The following LRRTM4 variants were observed in gnomAD, a reference collection of about 807,000 sequenced individuals.
LRRTM4 encodes the protein leucine-rich repeat transmembrane neuronal protein 4.
A neutral mutation model predicts 47.6 loss-of-function variants in LRRTM4; 25 were observed. That is an observed-to-expected ratio of 0.53 (90% CI 0.38 to 0.73). The LOEUF (loss-of-function observed/expected upper bound fraction) is 0.73. Ranked by LOEUF, LRRTM4 falls within the 30% of genes least tolerant of loss-of-function variation. The pLI is 0.00. For synonymous variants in LRRTM4, 311 were observed against 269.5 expected (o/e 1.15, Z -1.51); for missense variants, 638 against 713.4 (o/e 0.89, Z 1.20).
At chr2:76,952,095 G>A (rs62170340) in intron 3 of LRRTM4, among the ~76,000 whole-genome samples, 20,001 of 152,042 alleles carry the variant, frequency 0.13, 1,676 homozygotes, top group Admixed American at 0.21. Flanking sequence ...ACATAGGTGT[G>A]CATGTGTCTT....
At chr2:77,047,171 A>C (rs547314189) in intron 3 of LRRTM4, among the ~76,000 whole-genome samples, 1 of 152,176 alleles carries the variant, frequency 6.6e-6, no homozygotes, top group South Asian at 2.1e-4. Context: ...GGTTTCAAAC[A>C]TAACATTGAT....
chr2:76,756,724 T>C (rs1290007720), intron 3 of LRRTM4, among the ~76,000 whole-genome samples: 1 of 152,012 alleles, frequency 6.6e-6, no homozygotes, highest in Admixed American at 6.6e-5. Context: ...GCTCCTAATA[T>C]TTGATATACA....
intron 3 of LRRTM4, among the ~76,000 whole-genome samples, chr2:76,871,788 A>G (rs1672631410): frequency 6.6e-6 from 1 of 152,146 alleles, no homozygotes; most frequent in Non-Finnish European, 1.5e-5. Flanking sequence ...ACTGGCTTTT[A>G]TGAAGCCAAC....
intron 3 of LRRTM4, among the ~76,000 whole-genome samples, chr2:77,318,012 T>C (rs1342864777): frequency 1.4e-5 from 2 of 145,384 alleles, no homozygotes; most frequent in Non-Finnish European, 3.0e-5. Flanking sequence ...TTTTTTTTTT[T>C]TTTTTTTTTT....
chr2:76,931,155 G>A (rs1674756082), intron 3 of LRRTM4, among the ~76,000 whole-genome samples: 1 of 152,068 alleles, frequency 6.6e-6, no homozygotes, highest in Non-Finnish European at 1.5e-5. Context: ...AAAGAGAATA[G>A]AAAATATATT....
intron 3 of LRRTM4, among the ~76,000 whole-genome samples, chr2:76,851,754 CG>C (rs1268128602): frequency 4.6e-5 from 5 of 108,640 alleles, no homozygotes; most frequent in Admixed American, 1.1e-4. Flanking sequence ...AACTTTTATT[CG>C]TTTTTTTTTT....
At chr2:77,091,625 A>G (rs1490552095) in intron 3 of LRRTM4, among the ~76,000 whole-genome samples, 6 of 147,444 alleles carry the variant, frequency 4.1e-5, no homozygotes, top group African/African-American at 1.3e-4. Context: ...GATCTCAAAC[A>G]TGCTTTCTTT....
intron 3 of LRRTM4, among the ~76,000 whole-genome samples, chr2:76,923,611 ACTC>A (rs1674501501): frequency 6.6e-6 from 1 of 151,774 alleles, no homozygotes. Flanking sequence ...TGTTTCATCT[ACTC>A]CTCTACCCAC....
chr2:77,007,859 T>C (rs1470875643), intron 3 of LRRTM4, among the ~76,000 whole-genome samples: 1 of 152,140 alleles, frequency 6.6e-6, no homozygotes, highest in Non-Finnish European at 1.5e-5. Flanking sequence ...ATCTACACCA[T>C]CCAACAAAAG....
intron 3 of LRRTM4, among the ~76,000 whole-genome samples, chr2:76,917,253 A>T (rs1573310722): frequency 6.6e-6 from 1 of 152,216 alleles, no homozygotes; most frequent in South Asian, 2.1e-4. Flanking sequence ...GGCAGATTTG[A>T]CTGGGCCTGT....
intron 3 of LRRTM4, among the ~76,000 whole-genome samples, chr2:77,126,361 G>T (rs1379630297): frequency 6.6e-6 from 1 of 152,122 alleles, no homozygotes; most frequent in Non-Finnish European, 1.5e-5. Flanking sequence ...GGAATTTCAT[G>T]TTGAGGTTAT....
chr2:77,196,646 C>T (rs1302931145), intron 3 of LRRTM4, among the ~76,000 whole-genome samples: 1 of 152,076 alleles, frequency 6.6e-6, no homozygotes, highest in East Asian at 1.9e-4. Flanking sequence ...TAGGCTGAGG[C>T]AGGAGAATCC....
In LRRTM4 at chr2:76,856,731, T is replaced by C. The variant is rs568535441; in HGVS notation, c.1552-107815A>G. ...ATGACTTGAAAATATTTTCTTTCCC[T>C]TATATGTCATTAAGCTAAATATGTG... On this transcript the variant is annotated intron_variant, in intron 3 of 3. Transcript: ENST00000409884. Among the ~76,000 whole-genome samples the C allele has an allele frequency of 2.2e-4, 33 of 152,286 alleles. 1 individual carries two copies. Among genetic ancestry groups the C allele is most frequent in the Admixed American group, 9.2e-4 (14 of 15,294 alleles).
At chr2:77,130,661 GC>G (rs1473912146) in intron 3 of LRRTM4, among the ~76,000 whole-genome samples, 1 of 149,768 alleles carries the variant, frequency 6.7e-6, no homozygotes, top group African/African-American at 2.5e-5. Flanking sequence ...ACAGGCGCCG[GC>G]CACCACTCTG....
chr2:77,473,148 A>C (rs1677254885), intron 3 of LRRTM4, among the ~76,000 whole-genome samples: 1 of 152,130 alleles, frequency 6.6e-6, no homozygotes, highest in Non-Finnish European at 1.5e-5. Context: ...ACATATAAAC[A>C]TTATCTTCCC....
chr2:77,028,280 C>T (rs531624843), intron 3 of LRRTM4, among the ~76,000 whole-genome samples: 16 of 152,108 alleles, frequency 1.1e-4, no homozygotes, highest in South Asian at 8.3e-4. Flanking sequence ...TAGTGTTCAA[C>T]GATACAGAAA....
At chr2:77,187,067 A>C (rs532885478) in intron 3 of LRRTM4, among the ~76,000 whole-genome samples, 1 of 152,222 alleles carries the variant, frequency 6.6e-6, no homozygotes, top group African/African-American at 2.4e-5. Context: ...CTGCACATGC[A>C]CCCATCTATG....
intron 3 of LRRTM4, among the ~76,000 whole-genome samples, chr2:77,100,066 A>C (rs1220467177): frequency 6.6e-6 from 1 of 152,048 alleles, no homozygotes; most frequent in Admixed American, 6.6e-5. Context: ...TGGTCCTTTA[A>C]GTAACATGAA....
intron 3 of LRRTM4, among the ~76,000 whole-genome samples, chr2:77,188,998 CATGGAAGCCA>C (rs1418249167): frequency 1.3e-5 from 2 of 152,088 alleles, no homozygotes; most frequent in Non-Finnish European, 2.9e-5. Flanking sequence ...ATTTTATGAA[CATGGAAGCCA>C]ATTTTAAACA....
Sources: allele counts gnomAD v4.1 joint callset (sites outside exome capture counted in the v4.1 genomes callset), GRCh38; gene constraint gnomAD v4.1.1; transcripts MANE v1.5; gene names NCBI Gene and HGNC (gene_info 2026-07-23, HGNC 2026-07-21).